SENP6: variants seen among roughly 807,000 people sequenced by gnomAD.
SENP6 encodes the protein sentrin-specific protease 6.
A neutral mutation model predicts 134.5 loss-of-function variants in SENP6; 41 were observed. That is an observed-to-expected ratio of 0.30 (90% CI 0.24 to 0.40). SENP6 has a LOEUF of 0.40. SENP6 is among the 10% of genes least tolerant of loss of function. The probability of loss-of-function intolerance (pLI) is 1.00; values close to 1 mark genes in which losing one functional copy is unlikely to be tolerated. For missense variants in SENP6, 1,248 were observed against 1,312.5 expected (o/e 0.95, Z 0.76); for synonymous variants, 395 against 429.8 (o/e 0.92, Z 1.00).
intron 1 of SENP6, chr6:75,620,565 C>G (rs930736850): frequency 1.3e-5 from 2 of 152,206 alleles, no homozygotes; most frequent in African/African-American, 4.8e-5. Context: ...TCAGCTCACA[C>G]AGGCCCCACC....
intron 19 of SENP6, among the ~76,000 whole-genome samples, chr6:75,704,933 G>A (rs1775290280): frequency 6.6e-6 from 1 of 152,216 alleles, no homozygotes; most frequent in Non-Finnish European, 1.5e-5. Context: ...GTTTTTGTGA[G>A]CTCAAGTTTG....
intron 19 of SENP6, among the ~76,000 whole-genome samples, chr6:75,704,296 G>A (rs764005868): frequency 1.2e-4 from 18 of 152,136 alleles, no homozygotes; most frequent in Non-Finnish European, 1.9e-4. Context: ...GAGGAATGCC[G>A]TAGGAGAGCA....
rs1279095435 is a variant in SENP6, at chr6:75,675,993, A to G, written c.1560A>G (p.Gln520=). Residue 520 remains glutamine (Q), a synonymous_variant, in exon 13 of 24, where the codon CAA becomes CAG. Transcript: ENST00000447266. ...IPAVYQKLSI[Q]LQMNKEDKVW... is the part of the protein sequence containing the mutation. ...CAGTTTATCAAAAGCTGAGCATCCA[A>G]CTGCAAATGAATAAGGAGGATAAAG... The G allele has an allele frequency of 1.2e-6, 2 of 1,611,984 alleles. No homozygotes were observed. The highest frequency in any genetic ancestry group is 1.7e-6 in the Non-Finnish European group (2 of 1,179,116).
At chr6:75,648,228 C>A (rs1336136972) in intron 7 of SENP6, among the ~76,000 whole-genome samples, 3 of 152,012 alleles carry the variant, frequency 2.0e-5, no homozygotes, top group Admixed American at 2.0e-4. Flanking sequence ...ATAGTAGATA[C>A]TGGAAAATCA....
intron 9 of SENP6, among the ~76,000 whole-genome samples, chr6:75,663,946 A>G (rs1181584970): frequency 6.6e-6 from 1 of 151,848 alleles, no homozygotes; most frequent in South Asian, 2.1e-4. Flanking sequence ...GTGTATGTGT[A>G]TGGCATGCAG....
chr6:75,663,095 C>A, intron 8 of SENP6, 126 bp from the exon 9 acceptor site: 2 of 915,264 alleles, frequency 2.2e-6, no homozygotes, highest in Middle Eastern at 3.4e-4. Context: ...CAGTAAAATG[C>A]CAAAATCTTT....
chr6:75,666,614 A>G, intron 9 of SENP6, 98 bp from the exon 10 acceptor site: 1 of 555,856 alleles, frequency 1.8e-6, no homozygotes, highest in Non-Finnish European at 2.5e-6. Context: ...GATATTTTCC[A>G]CTTTGGTAAT....
chr6:75,685,670 A>C (rs186998961), intron 16 of SENP6, among the ~76,000 whole-genome samples: 169 of 152,306 alleles, frequency 1.1e-3, no homozygotes, highest in African/African-American at 3.8e-3. Context: ...GTCATTCAGG[A>C]GCAAGTTGTT....
At chr6:75,687,800 A>T (rs1304332460) in intron 16 of SENP6, among the ~76,000 whole-genome samples, 1 of 152,102 alleles carries the variant, frequency 6.6e-6, no homozygotes, top group African/African-American at 2.4e-5. Context: ...TGCCTATGTG[A>T]GGTGTCTGTC....
chr6:75,689,822 CGAT>C (rs1289888757), intron 16 of SENP6, among the ~76,000 whole-genome samples: 6 of 150,162 alleles, frequency 4.0e-5, no homozygotes, highest in Non-Finnish European at 7.3e-5. Context: ...TAAGTACACT[CGAT>C]GATGCACAAC....
chr6:75,640,701 A>G lies in SENP6; in HGVS notation c.476A>G (p.Glu159Gly), dbSNP rs988349852. 6.6e-7 allele frequency: 1 copy of G among 1,514,076 alleles called. No homozygotes were observed. Among genetic ancestry groups the G allele is most frequent in the Non-Finnish European group, 8.9e-7 (1 of 1,122,226 alleles). The allele number at this position is 1,514,076 out of a possible 1,614,324, so 93.8% of individuals were successfully genotyped here. A position where few individuals can be genotyped will look rare whatever the true frequency, so the allele number is the denominator to read the frequency against. Residue 159 changes from glutamate (E) to glycine (G), a missense_variant, in exon 6 of 24, where the codon GAA (glutamate) becomes GGA (glycine). Around this residue, in one of 3 missense-constraint regions of SENP6, gnomAD observed 733 missense variants for 725.4 expected, o/e 1.01. Transcript: ENST00000447266. ...TAAQSSLDRK[E>G]RKEYPPHVQK... ...GTTTTAAGCAGTCTGGACCGAAAAG[A>G]AAGGTAAGCTTAATATTGAAGAAAT...
rs563247890 is a variant in SENP6 at position 75,697,677 on chromosome 6, G to T, written c.2288+160G>T. ...TGCCTGTTTTACAAGAATTAATGCA[G>T]TTTCACAGTGAAGCATGTAAGATAT... On this transcript the variant is annotated intron_variant, in intron 18 of 23. Transcript: ENST00000447266. 1.1e-5 allele frequency: 6 copies of T among 559,588 alleles called. No individual in the cohort carries two copies. In the South Asian group the frequency reaches 1.8e-4, roughly 17 times the overall value. 34.7% of individuals were successfully genotyped at this position (559,588 alleles called of 1,614,324 possible). A position where few individuals can be genotyped will look rare whatever the true frequency, so the allele number is the denominator to read the frequency against.
chr6:75,639,100 C>T (rs768440822), intron 5 of SENP6, among the ~76,000 whole-genome samples: 2 of 151,992 alleles, frequency 1.3e-5, no homozygotes, highest in African/African-American at 2.4e-5. Context: ...TTTTTGGGCA[C>T]AGCAGTATAG....
chr6:75,627,745 A>G (rs1266298385), intron 3 of SENP6, among the ~76,000 whole-genome samples: 1 of 152,028 alleles, frequency 6.6e-6, no homozygotes, highest in Non-Finnish European at 1.5e-5. Context: ...GTGTGATCTC[A>G]GCTCACTGCA....
chr6:75,713,476 A>G (rs1775867453), intron 21 of SENP6, 37 bp from the exon 22 acceptor site: 1 of 1,499,446 alleles, frequency 6.7e-7, no homozygotes, highest in Non-Finnish European at 9.2e-7. Context: ...TTGTAATATT[A>G]TGAAGTATTC....
At chr6:75,638,237 C>G (rs1219251530) in intron 5 of SENP6, among the ~76,000 whole-genome samples, 5 of 94,532 alleles carry the variant, frequency 5.3e-5, no homozygotes, top group East Asian at 3.4e-4. Context: ...TTTCCCTTTT[C>G]TTTTGTTTTT....
intron 16 of SENP6, among the ~76,000 whole-genome samples, chr6:75,690,626 C>T (rs1774170367): frequency 6.6e-6 from 1 of 151,990 alleles, no homozygotes; most frequent in Non-Finnish European, 1.5e-5. Flanking sequence ...ATATACTTTA[C>T]ACTGCTGAAC....
chr6:75,628,203 T>C (rs1315109369), intron 3 of SENP6, among the ~76,000 whole-genome samples: 2 of 152,166 alleles, frequency 1.3e-5, no homozygotes, highest in African/African-American at 4.8e-5. Context: ...ATATTTCTTC[T>C]GTTCAGTTTT....
rs1316912321 is a variant in SENP6 at position 75,640,720 on chromosome 6, A to G, written c.479+16A>G. 2 of 1,461,750 alleles carry G rather than the reference A, an allele frequency of 1.4e-6. No homozygotes were observed. Among genetic ancestry groups the G allele is most frequent in the East Asian group, 2.4e-5 (1 of 41,440 alleles). The allele number at this position is 1,461,750 out of a possible 1,614,324, so 90.5% of individuals were successfully genotyped here. A position where few individuals can be genotyped will look rare whatever the true frequency, so the allele number is the denominator to read the frequency against. ...GAAAAGAAAGGTAAGCTTAATATTG[A>G]AGAAATTAGAGCATGGATATAGTGG... is the stretch of plus-strand genomic sequence containing the variant. On this transcript the variant is annotated intron_variant, in intron 6 of 23. Coordinates refer to ENST00000447266, the MANE Select transcript of SENP6 (RefSeq NM_015571.4).
Sources: allele counts gnomAD v4.1 joint callset (sites outside exome capture counted in the v4.1 genomes callset), GRCh38; gene constraint gnomAD v4.1.1; regional missense constraint gnomAD v4.1.1; transcripts MANE v1.5; gene names NCBI Gene and HGNC (gene_info 2026-07-23, HGNC 2026-07-21).